SLC1A1: variants seen among roughly 807,000 people sequenced by gnomAD.
The protein encoded by SLC1A1 is excitatory amino acid transporter 3.
Under a neutral mutation model 53.3 loss-of-function variants are expected in SLC1A1, and 43 were observed. That is an observed-to-expected ratio of 0.81 (90% CI 0.63 to 1.04). SLC1A1 has a LOEUF of 1.04. Ranked by LOEUF, SLC1A1 falls within the 50% of genes least tolerant of loss-of-function variation. The probability of loss-of-function intolerance (pLI) is 0.00; values close to 1 mark genes in which losing one functional copy is unlikely to be tolerated. For missense variants in SLC1A1, 748 were observed against 664.9 expected (o/e 1.12, Z -1.37); for synonymous variants, 307 against 243.2 (o/e 1.26, Z -2.44).
intron 1 of SLC1A1, among the ~76,000 whole-genome samples, chr9:4,496,044 C>A (rs1030266837): frequency 6.6e-6 from 1 of 152,116 alleles, no homozygotes; most frequent in Admixed American, 6.5e-5. Flanking sequence ...CTTAAGACAG[C>A]ATGTCAGGGA....
At chr9:4,582,122 T>A (rs1270362760) in intron 10 of SLC1A1, among the ~76,000 whole-genome samples, 1 of 152,226 alleles carries the variant, frequency 6.6e-6, no homozygotes, top group African/African-American at 2.4e-5. Flanking sequence ...CAAGGGATTT[T>A]TCAGGGCATG....
At position 4,576,691 on chromosome 9, in the gene SLC1A1, AAGCAGTGGC is replaced by A; in HGVS notation, c.1125_1133del (p.Ala377_Val379del). ...AACATGGATGGGACTGCGCTCTATGAAGCAGTGGCAGCGGTGTTTATTGCACAGTTGAAT... is the reference window on the plus strand; with the variant it reads ...AACATGGATGGGACTGCGCTCTATGAAGCGGTGTTTATTGCACAGTTGAAT... On this transcript the variant is annotated inframe_deletion, in exon 10 of 12. Coordinates refer to ENST00000262352, the MANE Select transcript of SLC1A1 (RefSeq NM_004170.6). 1.2e-6 allele frequency: 2 copies of A among 1,614,194 alleles called. No individual in the cohort carries two copies. Among genetic ancestry groups the A allele is most frequent in the Non-Finnish European group, 1.7e-6 (2 of 1,180,012 alleles).
chr9:4,533,228 G>A (rs1319637906), intron 1 of SLC1A1, among the ~76,000 whole-genome samples: 2 of 152,152 alleles, frequency 1.3e-5, no homozygotes, highest in African/African-American at 4.8e-5. Flanking sequence ...AACCTTAAAT[G>A]TAAATGGGCT....
chr9:4,575,962 A>G, intron 8 of SLC1A1, 39 bp from the exon 9 acceptor site: 1 of 1,609,356 alleles, frequency 6.2e-7, no homozygotes, highest in Non-Finnish European at 8.5e-7. Context: ...GGGAGGTGGT[A>G]TTATCTTTGA....
At chr9:4,496,608 A>G (rs908743316) in intron 1 of SLC1A1, among the ~76,000 whole-genome samples, 27 of 152,156 alleles carry the variant, frequency 1.8e-4, no homozygotes, top group Non-Finnish European at 2.4e-4. Context: ...TAAAAATAAA[A>G]ATGCAGCTGA....
chr9:4,519,405 T>C (rs1331539685), intron 1 of SLC1A1, among the ~76,000 whole-genome samples: 2 of 152,198 alleles, frequency 1.3e-5, no homozygotes, highest in Non-Finnish European at 2.9e-5. Flanking sequence ...AGCAAGAGGA[T>C]TTAAATGACA....
chr9:4,546,482 G>T (rs1016613365), intron 2 of SLC1A1, among the ~76,000 whole-genome samples: 2 of 151,666 alleles, frequency 1.3e-5, no homozygotes, highest in African/African-American at 4.8e-5. Context: ...ACCTATCAAC[G>T]GTGGTCTGAA....
At chr9:4,533,866 A>G (rs1260611360) in intron 1 of SLC1A1, among the ~76,000 whole-genome samples, 1 of 152,220 alleles carries the variant, frequency 6.6e-6, no homozygotes, top group Admixed American at 6.5e-5. Flanking sequence ...TGTCTCTCAG[A>G]CCACAGTGCA....
chr9:4,546,357 T>C (rs1235828192), intron 2 of SLC1A1, among the ~76,000 whole-genome samples: 1 of 152,208 alleles, frequency 6.6e-6, no homozygotes, highest in Non-Finnish European at 1.5e-5. Flanking sequence ...ATTTGTTTAT[T>C]TGTTTAAATT....
chr9:4,576,269 A>G, intron 9 of SLC1A1, 146 bp downstream of exon 9: 1 of 807,116 alleles, frequency 1.2e-6, no homozygotes, highest in Non-Finnish European at 2.1e-6. Context: ...GGCCCTGAAC[A>G]CATTGCTTCA....
chr9:4,584,720 T>G (rs577569207), intron 11 of SLC1A1, among the ~76,000 whole-genome samples: 25 of 152,334 alleles, frequency 1.6e-4, no homozygotes, highest in Middle Eastern at 3.4e-3. Context: ...AAATTAAGAC[T>G]GGATGAGGGT....
At chr9:4,507,910 A>G (rs1232587242) in intron 1 of SLC1A1, among the ~76,000 whole-genome samples, 1 of 152,108 alleles carries the variant, frequency 6.6e-6, no homozygotes, top group African/African-American at 2.4e-5. Context: ...GTGAACCAAG[A>G]AGGTGTTTAC....
intron 1 of SLC1A1, among the ~76,000 whole-genome samples, chr9:4,528,207 A>C (rs975572112): frequency 3.3e-5 from 5 of 151,876 alleles, no homozygotes; most frequent in African/African-American, 1.2e-4. Context: ...TGTACAGCCC[A>C]CCTCCCCTTC....
At chr9:4,515,747 C>G (rs73641455) in intron 1 of SLC1A1, among the ~76,000 whole-genome samples, 2,774 of 152,282 alleles carry the variant, frequency 0.018, 82 homozygotes, top group African/African-American at 0.062. Flanking sequence ...AAAGAGTCAT[C>G]TTTCCAGCAG....
chr9:4,541,988 C>G (rs981981455), intron 1 of SLC1A1, among the ~76,000 whole-genome samples: 8 of 152,176 alleles, frequency 5.3e-5, no homozygotes, highest in African/African-American at 1.9e-4. Context: ...CCCGAATCTG[C>G]TGTTTCTAAA....
chr9:4,550,971 G>A (rs1817881990), intron 2 of SLC1A1, among the ~76,000 whole-genome samples: 1 of 152,116 alleles, frequency 6.6e-6, no homozygotes, highest in Non-Finnish European at 1.5e-5. Context: ...ACAAAAACAG[G>A]AGGCCAGCCA....
chr9:4,540,547 G>C (rs1816916157), intron 1 of SLC1A1, among the ~76,000 whole-genome samples: 2 of 152,120 alleles, frequency 1.3e-5, no homozygotes, highest in African/African-American at 4.8e-5. Context: ...AGGGGTAATG[G>C]GCACCCACTA....
At chr9:4,575,906 A>G in intron 8 of SLC1A1, 95 bp from the exon 9 acceptor site, 1 of 1,461,166 alleles carries the variant, frequency 6.8e-7, no homozygotes, top group South Asian at 1.2e-5. Context: ...TGAAAGTCAA[A>G]CAATTTTATA....
intron 1 of SLC1A1, among the ~76,000 whole-genome samples, chr9:4,492,769 C>G (rs997633832): frequency 6.6e-6 from 1 of 151,802 alleles, no homozygotes; most frequent in African/African-American, 2.4e-5. Flanking sequence ...GCACTCCAGC[C>G]TGGGCAACAA....
Sources: allele counts gnomAD v4.1 joint callset (sites outside exome capture counted in the v4.1 genomes callset), GRCh38; gene constraint gnomAD v4.1.1; transcripts MANE v1.5; gene names NCBI Gene and HGNC (gene_info 2026-07-23, HGNC 2026-07-21).